FAM178B: variants seen among roughly 807,000 people sequenced by gnomAD.
The protein encoded by FAM178B is protein FAM178B.
A neutral mutation model predicts 91.7 loss-of-function variants in FAM178B; 82 were observed. That is an observed-to-expected ratio of 0.89 (90% CI 0.75 to 1.07). The LOEUF (loss-of-function observed/expected upper bound fraction) is 1.07, where lower values mean the gene tolerates loss of function less well. Ranked by LOEUF, FAM178B falls within the 50% of genes least tolerant of loss-of-function variation. The pLI is 0.00. For synonymous variants in FAM178B, 368 were observed against 359.4 expected (o/e 1.02, Z -0.27); for missense variants, 769 against 846.7 (o/e 0.91, Z 1.14).
intron 9 of FAM178B, among the ~76,000 whole-genome samples, chr2:96,927,556 G>A (rs894349112): frequency 3.3e-5 from 5 of 152,176 alleles, no homozygotes; most frequent in African/African-American, 9.7e-5. Flanking sequence ...GCTTAACTGC[G>A]CCTGGGAAAG....
intron 11 of FAM178B, 85 bp from the exon 12 acceptor site, chr2:96,921,347 TG>T: frequency 6.6e-7 from 1 of 1,506,984 alleles, no homozygotes; most frequent in Non-Finnish European, 9.0e-7. Context: ...GGGGAGTAAG[TG>T]GGCAGTCACG....
intron 8 of FAM178B, among the ~76,000 whole-genome samples, chr2:96,944,901 C>A (rs1381382951): frequency 1.3e-5 from 2 of 152,134 alleles, no homozygotes; most frequent in South Asian, 2.1e-4. Flanking sequence ...GATGGCTCAA[C>A]TGTCTCATCT....
intron 14 of FAM178B, among the ~76,000 whole-genome samples, chr2:96,891,832 G>A (rs963863348): frequency 1.3e-5 from 2 of 152,194 alleles, no homozygotes; most frequent in African/African-American, 4.8e-5. Flanking sequence ...GAGAGGGCCT[G>A]GGGGATGGGT....
At chr2:96,905,831 TATATATATATATATATATATATATATATA>T (rs1314635906) in intron 12 of FAM178B, among the ~76,000 whole-genome samples, 13 of 20,200 alleles carry the variant, frequency 6.4e-4, no homozygotes, top group Middle Eastern at 0.017. Context: ...TATATATATA[TATATATATATATATATATATATATATATA>T]TTTTTTTTTT....
chr2:96,956,836 T>C (rs1156256417), intron 6 of FAM178B: 1 of 152,196 alleles, frequency 6.6e-6, no homozygotes, highest in Non-Finnish European at 1.5e-5. Context: ...ACTTTGTGTA[T>C]GGAATTGGAC....
At chr2:96,954,629 A>G (rs1413801569) in intron 6 of FAM178B, among the ~76,000 whole-genome samples, 2 of 152,252 alleles carry the variant, frequency 1.3e-5, no homozygotes, top group Non-Finnish European at 2.9e-5. Flanking sequence ...GTAGTTATTT[A>G]TACGTATCAG....
chr2:96,930,522 T>C (rs552624464), intron 8 of FAM178B, among the ~76,000 whole-genome samples: 1 of 152,310 alleles, frequency 6.6e-6, no homozygotes, highest in South Asian at 2.1e-4. Context: ...TTGCTTCTCC[T>C]TCTGTCTCTC....
chr2:96,905,861 T>TATATATGTGTA (rs1491541308), intron 12 of FAM178B, among the ~76,000 whole-genome samples: 2 of 19,792 alleles, frequency 1.0e-4, no homozygotes, highest in East Asian at 1.8e-3. Flanking sequence ...TATATATATA[T>TATATATGTGTA]TTTTTTTTTT....
At chr2:96,978,069 C>A (rs145516471) in intron 1 of FAM178B, 32 of 376,888 alleles carry the variant, frequency 8.5e-5, no homozygotes, top group Admixed American at 2.5e-4. Context: ...TCCTCACATG[C>A]GTCTTCTCCA....
intron 5 of FAM178B, among the ~76,000 whole-genome samples, chr2:96,962,099 C>G (rs1574307505): frequency 1.3e-5 from 2 of 152,064 alleles, no homozygotes; most frequent in African/African-American, 4.8e-5. Context: ...GTCGGGAGTT[C>G]AAGACCAGCC....
intron 8 of FAM178B, among the ~76,000 whole-genome samples, chr2:96,932,000 G>C (rs1259060320): frequency 2.0e-5 from 3 of 152,092 alleles, no homozygotes; most frequent in Non-Finnish European, 2.9e-5. Flanking sequence ...TGTTCACCAG[G>C]GCCTTCAGGG....
chr2:96,877,671 A>G (rs886431325), intron 16 of FAM178B: 43 of 561,496 alleles, frequency 7.7e-5, no homozygotes, highest in Non-Finnish European at 1.2e-4. Context: ...CTGGGATTAC[A>G]GGCGTGAGCT....
intron 1 of FAM178B, 60 bp downstream of exon 1, chr2:96,986,181 C>T (rs2082421010): frequency 1.3e-6 from 2 of 1,531,328 alleles, no homozygotes; most frequent in South Asian, 2.4e-5. Context: ...CCAGGGAAGT[C>T]GAGTGCTCTC....
chr2:96,911,771 G>A (rs549119529), intron 12 of FAM178B, among the ~76,000 whole-genome samples: 5 of 152,246 alleles, frequency 3.3e-5, no homozygotes, highest in African/African-American at 1.2e-4. Flanking sequence ...GGGAGCTCCA[G>A]GGCACCGAAT....
At chr2:96,897,857 A>T (rs763878535) in intron 13 of FAM178B, 20 of 653,690 alleles carry the variant, frequency 3.1e-5, no homozygotes, top group African/African-American at 3.9e-5. Flanking sequence ...ACTTCTGCGC[A>T]GAAGTCAAAA....
chr2:96,970,627 T>C, intron 4 of FAM178B, 89 bp downstream of exon 4: 3 of 1,029,426 alleles, frequency 2.9e-6, no homozygotes, highest in Non-Finnish European at 4.4e-6. Context: ...GAGGCCGCTG[T>C]ACTCCGACCA....
chr2:96,892,368 A>C (rs4907204), intron 14 of FAM178B, among the ~76,000 whole-genome samples: 38,404 of 151,782 alleles, frequency 0.25, 6,161 homozygotes, highest in South Asian at 0.67. Flanking sequence ...GCTGCCTGGG[A>C]CTCGCCTGCC....
chr2:96,972,667 C>T, intron 1 of FAM178B, 61 bp from the exon 2 acceptor site: 1 of 1,470,582 alleles, frequency 6.8e-7, no homozygotes, highest in Admixed American at 2.0e-5. Context: ...GGTTCTAAAC[C>T]CCGTGATTCC....
intron 8 of FAM178B, among the ~76,000 whole-genome samples, chr2:96,936,599 T>A (rs190554728): frequency 6.6e-6 from 1 of 150,566 alleles, no homozygotes; most frequent in East Asian, 1.9e-4. Flanking sequence ...AACCTCTGCC[T>A]CCTGGGTTCA....
Sources: allele counts gnomAD v4.1 joint callset (sites outside exome capture counted in the v4.1 genomes callset), GRCh38; gene constraint gnomAD v4.1.1; transcripts MANE v1.5; gene names NCBI Gene and HGNC (gene_info 2026-07-23, HGNC 2026-07-21).